OSBPL10: variants seen among roughly 807,000 people sequenced by gnomAD.
The protein encoded by OSBPL10 is oxysterol binding protein like 10, also known as oxysterol-binding protein-related protein 10.
Under a neutral mutation model 81.7 loss-of-function variants are expected in OSBPL10, and 49 were observed. That is an observed-to-expected ratio of 0.60 (90% CI 0.48 to 0.76). The LOEUF (loss-of-function observed/expected upper bound fraction) is 0.76. OSBPL10 is among the 30% of genes least tolerant of loss of function. OSBPL10 has a pLI of 0.00. For missense variants in OSBPL10, 923 were observed against 987.8 expected (o/e 0.93, Z 0.88); for synonymous variants, 419 against 383.6 (o/e 1.09, Z -1.08).
At chr3:31,781,156 A>T (rs1199690503) in intron 4 of OSBPL10, among the ~76,000 whole-genome samples, 1 of 152,252 alleles carries the variant, frequency 6.6e-6, no homozygotes, top group Non-Finnish European at 1.5e-5. Context: ...GAGATGGTTT[A>T]ACATATTTAA....
intron 6 of OSBPL10, among the ~76,000 whole-genome samples, chr3:31,723,401 G>T (rs1463545417): frequency 6.6e-6 from 1 of 152,196 alleles, no homozygotes; most frequent in Non-Finnish European, 1.5e-5. Flanking sequence ...CTGGGGACAG[G>T]ATGGATAGCC....
intron 1 of OSBPL10, among the ~76,000 whole-genome samples, chr3:31,899,706 TG>T (rs1231041501): frequency 1.3e-5 from 2 of 152,220 alleles, no homozygotes; most frequent in African/African-American, 4.8e-5. Flanking sequence ...TTCAGCCAGG[TG>T]CAGTGGTTCA....
intron 11 of OSBPL10, 49 bp from the exon 12 acceptor site, chr3:31,662,165 GA>G: frequency 6.2e-7 from 1 of 1,612,608 alleles, no homozygotes; most frequent in Non-Finnish European, 8.5e-7. Context: ...TCTCAACAGG[GA>G]AAAGGGGAAG....
At chr3:32,026,435 C>A (rs1224096495) in intron 2 of OSBPL10, among the ~76,000 whole-genome samples, 3 of 152,114 alleles carry the variant, frequency 2.0e-5, no homozygotes, top group African/African-American at 7.2e-5. Context: ...CCCGGCTAAG[C>A]CATAATATTC....
At chr3:31,687,416 A>C (rs1258885750) in intron 7 of OSBPL10, among the ~76,000 whole-genome samples, 1 of 152,222 alleles carries the variant, frequency 6.6e-6, no homozygotes, top group Non-Finnish European at 1.5e-5. Context: ...GAAGAATTTA[A>C]GATATTTCCC....
intron 6 of OSBPL10, chr3:31,708,621 C>T: frequency 1.4e-6 from 1 of 707,466 alleles, no homozygotes. Flanking sequence ...AAGGCATTCA[C>T]TACTACATGC....
intron 4 of OSBPL10, among the ~76,000 whole-genome samples, chr3:31,763,447 T>C (rs2125727819): frequency 6.6e-6 from 1 of 152,326 alleles, no homozygotes; most frequent in South Asian, 2.1e-4. Context: ...TCCACACACA[T>C]ATCTCAAAGA....
chr3:31,998,301 A>G (rs1209276951), intron 2 of OSBPL10, among the ~76,000 whole-genome samples: 1 of 152,132 alleles, frequency 6.6e-6, no homozygotes, highest in African/African-American at 2.4e-5. Context: ...GCATCAAAGT[A>G]TACTCCCCAT....
At chr3:32,003,642 C>T (rs1699174046) in intron 2 of OSBPL10, among the ~76,000 whole-genome samples, 2 of 152,156 alleles carry the variant, frequency 1.3e-5, no homozygotes, top group Non-Finnish European at 2.9e-5. Context: ...ACAGGATAAT[C>T]CTCTTTCTCG....
At chr3:31,792,901 TG>T (rs377181076) in intron 4 of OSBPL10, among the ~76,000 whole-genome samples, 2 of 132,178 alleles carry the variant, frequency 1.5e-5, no homozygotes, top group African/African-American at 5.4e-5. Flanking sequence ...TGTGTGTGTG[TG>T]TGTGTGTTGT....
chr3:31,843,568 G>A (rs1396658506), intron 3 of OSBPL10, among the ~76,000 whole-genome samples: 1 of 152,316 alleles, frequency 6.6e-6, no homozygotes, highest in Admixed American at 6.5e-5. Context: ...TTGTTTCAGA[G>A]TGCTAGACAG....
intron 6 of OSBPL10, among the ~76,000 whole-genome samples, chr3:31,728,817 C>T (rs890607587): frequency 2.0e-5 from 3 of 152,118 alleles, no homozygotes; most frequent in East Asian, 1.9e-4. Flanking sequence ...GTATCCCTCA[C>T]CTGAAATGCC....
intron 4 of OSBPL10, among the ~76,000 whole-genome samples, chr3:31,813,136 GAAT>G (rs1699750981): frequency 6.6e-6 from 1 of 152,200 alleles, no homozygotes; most frequent in Admixed American, 6.5e-5. Context: ...GGACTGCAGA[GAAT>G]AATCATCAAA....
intron 1 of OSBPL10, among the ~76,000 whole-genome samples, chr3:31,917,092 A>C (rs1446648581): frequency 2.0e-5 from 3 of 152,190 alleles, no homozygotes; most frequent in Non-Finnish European, 4.4e-5. Context: ...TTCCAGGAGG[A>C]GGTCAATAGG....
chr3:31,990,416 G>A lies in OSBPL10; in HGVS notation n.298+56075C>T, dbSNP rs189122136. Reference sequence around the variant, plus strand: ...CGTTCATATCTCGTAGTTCATTGGCGAACTCATACTGGAGAGAAACCTTAC... The same window carrying A: ...CGTTCATATCTCGTAGTTCATTGGCAAACTCATACTGGAGAGAAACCTTAC... On this transcript the variant is annotated intron_variant and non_coding_transcript_variant, in intron 2 of 3. Transcript: ENST00000479173. 1.9e-4 allele frequency: 301 copies of A among 1,613,978 alleles called. No homozygotes were observed. Among genetic ancestry groups the A allele is most frequent in the Non-Finnish European group, 2.4e-4 (288 of 1,179,932 alleles).
At chr3:31,881,455 A>G (rs1695575669) in intron 1 of OSBPL10, among the ~76,000 whole-genome samples, 1 of 152,198 alleles carries the variant, frequency 6.6e-6, no homozygotes, top group African/African-American at 2.4e-5. Context: ...GACTTTTCAC[A>G]GTTTTAACAT....
At chr3:32,014,054 C>T (rs1699289926) in intron 2 of OSBPL10, among the ~76,000 whole-genome samples, 1 of 152,118 alleles carries the variant, frequency 6.6e-6, no homozygotes, top group African/African-American at 2.4e-5. Flanking sequence ...GAAACTATTC[C>T]AATCAATAGA....
intron 1 of OSBPL10, among the ~76,000 whole-genome samples, chr3:31,881,404 C>T (rs1165222898): frequency 6.6e-6 from 1 of 152,204 alleles, no homozygotes; most frequent in Non-Finnish European, 1.5e-5. Flanking sequence ...TTGAGGGATA[C>T]ATGGCGAGAC....
chr3:31,821,844 C>A (rs933921801), intron 4 of OSBPL10, among the ~76,000 whole-genome samples: 1 of 152,168 alleles, frequency 6.6e-6, no homozygotes, highest in Non-Finnish European at 1.5e-5. Context: ...AATTGATCAG[C>A]TAATAAAATT....
Sources: allele counts gnomAD v4.1 joint callset (sites outside exome capture counted in the v4.1 genomes callset), GRCh38; gene constraint gnomAD v4.1.1; transcripts MANE v1.5; gene names NCBI Gene and HGNC (gene_info 2026-07-23, HGNC 2026-07-21).